B3GALT1: variants seen among roughly 807,000 people sequenced by gnomAD.
The protein encoded by B3GALT1 is UDP-Gal:betaGlcNAc beta 1,3-galactosyltransferase, polypeptide 1.
Under a neutral mutation model 23.2 loss-of-function variants are expected in B3GALT1, and 10 were observed. The observed-to-expected ratio is 0.43, with a 90% CI of 0.27 to 0.73. B3GALT1 has a LOEUF of 0.73. B3GALT1 is among the 30% of genes least tolerant of loss of function. The pLI is 0.21. For synonymous variants in B3GALT1, 156 were observed against 141.5 expected, an observed-to-expected ratio of 1.10 and a Z score of -0.73; for missense variants, 299 against 405.4, an observed-to-expected ratio of 0.74 and a Z score of 2.25.
chr2:167,503,033 CTG>C (rs1488371446), intron 2 of B3GALT1, among the ~76,000 whole-genome samples: 2 of 152,028 alleles, frequency 1.3e-5, no homozygotes, highest in African/African-American at 4.8e-5. Context: ...GAGCAAAACT[CTG>C]TCTCAAAAAA....
chr2:167,807,489 T>C (rs796193708), intron 3 of B3GALT1, among the ~76,000 whole-genome samples: 5,296 of 152,130 alleles, frequency 0.035, 143 homozygotes, highest in South Asian at 0.068. Flanking sequence ...GCTTTGAATG[T>C]GTCCCAGAGA....
chr2:167,303,329 A>G (rs1285272853), intron 1 of B3GALT1, among the ~76,000 whole-genome samples: 1 of 152,068 alleles, frequency 6.6e-6, no homozygotes, highest in Non-Finnish European at 1.5e-5. Context: ...ATCCTTCCCC[A>G]TATACTTAGT....
chr2:167,729,967 G>A (rs918088278), intron 3 of B3GALT1, among the ~76,000 whole-genome samples: 2 of 152,152 alleles, frequency 1.3e-5, no homozygotes, highest in Non-Finnish European at 2.9e-5. Context: ...GTGTGAGTTT[G>A]TGTGTGTAGT....
At chr2:167,775,908 A>C (rs554451835) in intron 3 of B3GALT1, among the ~76,000 whole-genome samples, 6 of 152,302 alleles carry the variant, frequency 3.9e-5, no homozygotes, top group Admixed American at 3.9e-4. Context: ...GACACAACAG[A>C]GACAGTTAAC....
chr2:167,841,343 C>G (rs1274109461), intron 4 of B3GALT1, among the ~76,000 whole-genome samples: 1 of 152,138 alleles, frequency 6.6e-6, no homozygotes, highest in Non-Finnish European at 1.5e-5. Flanking sequence ...GGAAGGTGGA[C>G]TTTCTGGTTC....
intron 2 of B3GALT1, among the ~76,000 whole-genome samples, chr2:167,600,376 T>C (rs184896356): frequency 2.6e-4 from 39 of 152,336 alleles, no homozygotes; most frequent in Admixed American, 7.2e-4. Flanking sequence ...TTTATTGAGA[T>C]ATAATTCTCA....
intron 3 of B3GALT1, among the ~76,000 whole-genome samples, chr2:167,713,379 C>T (rs1687092388): frequency 6.6e-6 from 1 of 152,128 alleles, no homozygotes; most frequent in Admixed American, 6.5e-5. Flanking sequence ...AGTGAAAATT[C>T]TATAAAATGG....
chr2:167,572,168 AT>A (rs1402131342), intron 2 of B3GALT1, among the ~76,000 whole-genome samples: 1 of 151,872 alleles, frequency 6.6e-6, no homozygotes, highest in Non-Finnish European at 1.5e-5. Context: ...AAGTCATTTC[AT>A]TTACATTATT....
intron 1 of B3GALT1, among the ~76,000 whole-genome samples, chr2:167,363,507 C>T (rs1697531509): frequency 6.6e-6 from 1 of 152,096 alleles, no homozygotes. Flanking sequence ...TCGTCCAGTA[C>T]ATCTCAAGTT....
chr2:167,787,653 A>T (rs1446180831), intron 3 of B3GALT1, among the ~76,000 whole-genome samples: 4 of 152,192 alleles, frequency 2.6e-5, no homozygotes, highest in Admixed American at 6.5e-5. Flanking sequence ...GGTAGAGCAG[A>T]CTTAGTTCTA....
chr2:167,334,362 G>T (rs1697021978), intron 1 of B3GALT1, among the ~76,000 whole-genome samples: 1 of 152,124 alleles, frequency 6.6e-6, no homozygotes, highest in Admixed American at 6.6e-5. Context: ...AATAGTCCCT[G>T]CAAGGTGGTT....
intron 1 of B3GALT1, among the ~76,000 whole-genome samples, chr2:167,440,556 C>T (rs917718986): frequency 1.3e-5 from 2 of 151,960 alleles, no homozygotes; most frequent in African/African-American, 4.8e-5. Flanking sequence ...AAGTCTGATG[C>T]AAGTATGATT....
chr2:167,648,886 CCATT>C (rs1193123665), intron 3 of B3GALT1, among the ~76,000 whole-genome samples: 11 of 152,046 alleles, frequency 7.2e-5, no homozygotes, highest in African/African-American at 2.7e-4. Flanking sequence ...CTTTTAACCT[CCATT>C]AACCCACTTC....
At chr2:167,492,160 G>A (rs780929304) in intron 2 of B3GALT1, among the ~76,000 whole-genome samples, 32 of 152,178 alleles carry the variant, frequency 2.1e-4, no homozygotes, top group Admixed American at 8.5e-4. Flanking sequence ...ACTGAAACCT[G>A]GCAATCTCTG....
At chr2:167,603,692 A>C (rs1381564790) in intron 2 of B3GALT1, among the ~76,000 whole-genome samples, 3 of 152,178 alleles carry the variant, frequency 2.0e-5, no homozygotes, top group African/African-American at 7.2e-5. Context: ...TTGCCTCTAT[A>C]TGTGATTCTT....
intron 1 of B3GALT1, among the ~76,000 whole-genome samples, chr2:167,452,435 T>C (rs1699105666): frequency 6.6e-6 from 1 of 152,154 alleles, no homozygotes; most frequent in South Asian, 2.1e-4. Context: ...CTCCAGGTAA[T>C]GTCAAATCCT....
intron 1 of B3GALT1, among the ~76,000 whole-genome samples, chr2:167,357,037 T>G (rs1452432217): frequency 2.0e-5 from 3 of 151,768 alleles, no homozygotes; most frequent in African/African-American, 7.3e-5. Flanking sequence ...TGTGTATATA[T>G]ATATATGTAT....
intron 2 of B3GALT1, among the ~76,000 whole-genome samples, chr2:167,584,216 T>A (rs979856315): frequency 2.0e-5 from 3 of 152,094 alleles, no homozygotes; most frequent in African/African-American, 7.2e-5. Context: ...ATTCTTAAAG[T>A]TAGGGAGATG....
At chr2:167,323,321 G>C (rs1211654619) in intron 1 of B3GALT1, among the ~76,000 whole-genome samples, 1 of 152,034 alleles carries the variant, frequency 6.6e-6, no homozygotes, top group African/African-American at 2.4e-5. Flanking sequence ...ACGCATGTCT[G>C]TGTCTGTATT....
Sources: gnomAD v4.1 joint callset for allele counts (sites outside exome capture counted in the v4.1 genomes callset) on GRCh38, gnomAD v4.1.1 for gene constraint, MANE v1.5 for transcripts, NCBI Gene and HGNC (gene_info 2026-07-23, HGNC 2026-07-21) for gene names.